The following APBA2 variants were observed in gnomAD, a reference collection of about 807,000 sequenced individuals.
APBA2 encodes amyloid-beta A4 precursor protein-binding family A member 2.
Under a neutral mutation model 75.0 loss-of-function variants are expected in APBA2, and 30 were observed. The ratio of observed to expected loss-of-function variants is 0.40; its 90% CI spans 0.30 to 0.54. The LOEUF (loss-of-function observed/expected upper bound fraction) is 0.54, where lower values mean the gene tolerates loss of function less well. Ranked by LOEUF, APBA2 falls within the 20% of genes least tolerant of loss-of-function variation. The pLI, the probability that APBA2 is intolerant of heterozygous loss-of-function variation, is 0.49. For synonymous variants in APBA2, 444 were observed against 409.6 expected (o/e 1.08, Z -1.01); for missense variants, 801 against 1,016.1 (o/e 0.79, Z 2.88).
chr15:29,078,958 G>A (rs2042971621), intron 6 of APBA2, among the ~76,000 whole-genome samples: 1 of 152,196 alleles, frequency 6.6e-6, no homozygotes. Flanking sequence ...CTGAAAGGCA[G>A]CGTGTCAGCT....
intron 3 of APBA2, among the ~76,000 whole-genome samples, chr15:29,024,022 G>T (rs1218707476): frequency 6.6e-6 from 1 of 151,286 alleles, no homozygotes; most frequent in Non-Finnish European, 1.5e-5. Context: ...TTCTGCCTCA[G>T]CCTCCTGAGT....
intron 10 of APBA2, among the ~76,000 whole-genome samples, chr15:29,103,140 C>T (rs140918150): frequency 1.3e-5 from 2 of 152,330 alleles, no homozygotes; most frequent in East Asian, 3.9e-4. Context: ...CAGGTACTGG[C>T]GGAATGAGGC....
chr15:28,958,427 T>C (rs962276136), intron 2 of APBA2, among the ~76,000 whole-genome samples: 1 of 152,250 alleles, frequency 6.6e-6, no homozygotes, highest in Non-Finnish European at 1.5e-5. Flanking sequence ...GTATTTTAAG[T>C]GCACAGATAG....
chr15:29,091,165 T>C (rs1362983941), intron 6 of APBA2, among the ~76,000 whole-genome samples: 2 of 152,178 alleles, frequency 1.3e-5, no homozygotes, highest in African/African-American at 4.8e-5. Flanking sequence ...CCTGCAGCCC[T>C]GCCCAGCTGG....
At chr15:28,917,672 G>C (rs1188323500) in intron 1 of APBA2, among the ~76,000 whole-genome samples, 1 of 152,022 alleles carries the variant, frequency 6.6e-6, no homozygotes. Context: ...ATTAACTGGA[G>C]CCCATAGTTA....
chr15:29,116,896 C>T (rs1464625975), intron 14 of APBA2, among the ~76,000 whole-genome samples, 166 bp from the exon 15 acceptor site: 1 of 152,186 alleles, frequency 6.6e-6, no homozygotes, highest in Non-Finnish European at 1.5e-5. Flanking sequence ...ATCTGGAAGG[C>T]ATCATAAGTG....
chr15:28,970,001 C>T (rs1447202442), intron 2 of APBA2, among the ~76,000 whole-genome samples: 1 of 152,176 alleles, frequency 6.6e-6, no homozygotes, highest in African/African-American at 2.4e-5. Context: ...ACTGCTTGTT[C>T]AAGGTGATAC....
chr15:28,935,987 C>A (rs1389074117), intron 2 of APBA2, among the ~76,000 whole-genome samples: 4 of 152,110 alleles, frequency 2.6e-5, no homozygotes, highest in Non-Finnish European at 5.9e-5. Context: ...TTTTTGAAGT[C>A]TTGATTTTGT....
intron 3 of APBA2, among the ~76,000 whole-genome samples, chr15:29,032,100 G>A (rs1238710130): frequency 6.6e-6 from 1 of 152,260 alleles, no homozygotes; most frequent in Non-Finnish European, 1.5e-5. Flanking sequence ...TGAGAAAAGG[G>A]ACTTTGTCTT....
chr15:29,014,175 G>C (rs1480186041), intron 3 of APBA2, among the ~76,000 whole-genome samples: 2 of 152,154 alleles, frequency 1.3e-5, no homozygotes, highest in Non-Finnish European at 2.9e-5. Flanking sequence ...GCTCATGCAG[G>C]TAGCTCCTAT....
At chr15:29,095,046 G>T (rs1056303008) in intron 8 of APBA2, among the ~76,000 whole-genome samples, 2 of 149,082 alleles carry the variant, frequency 1.3e-5, no homozygotes, top group South Asian at 2.2e-4. Flanking sequence ...CAGCCTGGGC[G>T]ACAGAGTGAG....
chr15:29,059,242 A>T (rs1413364208), intron 4 of APBA2, among the ~76,000 whole-genome samples: 1 of 152,026 alleles, frequency 6.6e-6, no homozygotes, highest in South Asian at 2.1e-4. Context: ...TGTGTTGGTG[A>T]TAAAATGGCC....
intron 4 of APBA2, among the ~76,000 whole-genome samples, chr15:29,063,353 G>A (rs1238170283): frequency 9.4e-5 from 13 of 138,628 alleles, no homozygotes; most frequent in African/African-American, 3.5e-4. Context: ...TATGGGTGGT[G>A]CAGGGAGTTG....
Position 28,951,881 on chromosome 15 carries a change from C to CTTT in APBA2, c.-95+30156_-95+30158dup, listed in dbSNP as rs71414600. 3.7e-4 allele frequency among the ~76,000 whole-genome samples: 41 copies of CTTT among 109,822 alleles called. 3 individuals carry two copies. The highest frequency in any genetic ancestry group is 9.8e-4 in the African/African-American group (26 of 26,406). 72.0% of individuals were successfully genotyped at this position (109,822 alleles called of 152,430 possible). On this transcript the variant is annotated intron_variant, in intron 2 of 14. Transcript: ENST00000683413. The stretch of plus-strand genomic sequence containing the variant: ...CAGGCGTGAGCCCACTGCACTCAGC[C>CTTT]TTTTTTTTTTTTTTTTTTTTTTTTT...
At chr15:29,096,186 C>G (rs558948480) in intron 8 of APBA2, among the ~76,000 whole-genome samples, 174 of 152,346 alleles carry the variant, frequency 1.1e-3, no homozygotes, top group African/African-American at 4.0e-3. Context: ...TCATGCCCCC[C>G]ATCCACAGAC....
chr15:29,021,101 C>A (rs1469149941), intron 3 of APBA2, among the ~76,000 whole-genome samples: 1 of 151,582 alleles, frequency 6.6e-6, no homozygotes, highest in African/African-American at 2.4e-5. Context: ...TCATAAAGAC[C>A]AAAAAGGAAA....
chr15:28,968,170 T>C (rs897407143), intron 2 of APBA2, among the ~76,000 whole-genome samples: 8 of 152,250 alleles, frequency 5.3e-5, no homozygotes, highest in Admixed American at 2.0e-4. Context: ...CCACATTTTG[T>C]TTATCCATTC....
chr15:29,086,418 G>A (rs1034678615), intron 6 of APBA2, among the ~76,000 whole-genome samples: 1 of 152,204 alleles, frequency 6.6e-6, no homozygotes, highest in Non-Finnish European at 1.5e-5. Context: ...TTGTTATGCA[G>A]CCAACAATAA....
chr15:28,944,855 T>C (rs7175249), intron 2 of APBA2, among the ~76,000 whole-genome samples: 52,031 of 152,150 alleles, frequency 0.34, 15,734 homozygotes, highest in African/African-American at 0.8. Context: ...AGCCCCGCCA[T>C]GCTGCTTGCC....
Sources: allele counts gnomAD v4.1 joint callset (sites outside exome capture counted in the v4.1 genomes callset), GRCh38; gene constraint gnomAD v4.1.1; transcripts MANE v1.5; gene names NCBI Gene and HGNC (gene_info 2026-07-23, HGNC 2026-07-21).